The following RHEB variants were observed in gnomAD, a reference collection of about 807,000 sequenced individuals.
The protein encoded by RHEB is GTP-binding protein Rheb.
RHEB carries 2 observed loss-of-function variants against 28.8 expected under a neutral mutation model. The ratio of observed to expected loss-of-function variants is 0.07; its 90% CI spans 0.03 to 0.22. RHEB has a LOEUF of 0.22. Among genes scored for constraint, RHEB ranks in the 10% least tolerant of loss-of-function variants. The pLI is 1.00. For missense variants in RHEB, 76 were observed against 219.9 expected, an observed-to-expected ratio of 0.35 and a Z score of 4.14; for synonymous variants, 69 against 77.3, an observed-to-expected ratio of 0.89 and a Z score of 0.56.
intron 1 of RHEB, among the ~76,000 whole-genome samples, chr7:151,514,443 G>A (rs1460417711): frequency 6.6e-6 from 1 of 152,024 alleles, no homozygotes; most frequent in African/African-American, 2.4e-5. Flanking sequence ...CCCACAGACA[G>A]GAGAAATTAT....
rs747151926 is a variant in RHEB, at chr7:151,477,377, A to G, written c.231T>C (p.Asp77=). 7 of 1,586,668 alleles carry G rather than the reference A, an allele frequency of 4.4e-6. No homozygotes were observed. The East Asian group carries it at 1.6e-4, about 36-fold the overall frequency. ...YSIFPQTYSI[D]INGYILVYSV... is the part of the protein sequence containing the mutation. ...AATACACAAGAATATAGCCATTAAT[A>G]TCTATGGAGTATGTCTGAGGAAAGA... The change falls in exon 4 of 8, where the codon GAT becomes GAC. Residue 77 remains aspartate, a synonymous_variant. Transcript: ENST00000262187.
rs538597333 is a variant in RHEB, at chr7:151,492,838, A to ATTTT, written c.53-1828_53-1825dup. The stretch of plus-strand genomic sequence containing the variant: ...ATTGCAATTAGAATAAATTCTCAAC[A>ATTTT]TTTTTTTTTTTTTTTTTTGAGACGG... On this transcript the variant is annotated intron_variant, in intron 1 of 7. Transcript: ENST00000262187. Among the ~76,000 whole-genome samples the ATTTT allele has an allele frequency of 5.0e-3, 629 of 125,158 alleles. 27 individuals carry two copies. The highest frequency in any genetic ancestry group is 0.02 in the East Asian group (85 of 4,286). The allele number at this position is 125,158 out of a possible 152,430, so 82.1% of individuals were successfully genotyped here. A position where few individuals can be genotyped will look rare whatever the true frequency, so the allele number is the denominator to read the frequency against.
intron 1 of RHEB, among the ~76,000 whole-genome samples, chr7:151,513,558 A>G (rs775079999): frequency 1.6e-4 from 24 of 152,252 alleles, no homozygotes; most frequent in African/African-American, 4.6e-4. Context: ...AACGATGAAC[A>G]AATATTTTCC....
Position 151,466,398 on chromosome 7 carries a change from C to G in RHEB, c.*721G>C, listed in dbSNP as rs1041701495. 17 of 152,374 alleles carry G rather than the reference C, an allele frequency of 1.1e-4. No homozygotes were observed. The highest frequency in any genetic ancestry group is 3.9e-4 in the African/African-American group (16 of 41,472). The allele number at this position is 152,374 out of a possible 1,614,324, so 9.4% of individuals were successfully genotyped here. On this transcript the variant is annotated 3_prime_UTR_variant, in exon 8 of 8. Transcript: ENST00000262187. The stretch of plus-strand genomic sequence containing the variant: ...CAGCAGCTCCTCCTCCTTGACCAGG[C>G]TCCCGACCACGGAGCATTTCAGTCA...
chr7:151,497,659 T>C (rs1197113886), intron 1 of RHEB, among the ~76,000 whole-genome samples: 1 of 152,202 alleles, frequency 6.6e-6, no homozygotes, highest in African/African-American at 2.4e-5. Context: ...CCAGCCTTGG[T>C]GCACATGCAT....
intron 1 of RHEB, among the ~76,000 whole-genome samples, chr7:151,503,833 A>G (rs576201234): frequency 7.9e-5 from 12 of 152,324 alleles, no homozygotes; most frequent in Non-Finnish European, 1.5e-4. Flanking sequence ...TAAACCTTCA[A>G]AAGTTAATAG....
intron 1 of RHEB, chr7:151,503,397 C>G (rs746892440): frequency 5.3e-6 from 6 of 1,136,272 alleles, no homozygotes; most frequent in Non-Finnish European, 8.0e-6. Context: ...TCCTGCAGTA[C>G]CGAGTAGATT....
intron 1 of RHEB, chr7:151,503,443 T>C: frequency 8.3e-7 from 1 of 1,199,252 alleles, no homozygotes; most frequent in Non-Finnish European, 1.2e-6. Flanking sequence ...AGACAATGAA[T>C]TTTTTGACCT....
chr7:151,488,873 T>C (rs940381627), intron 2 of RHEB, among the ~76,000 whole-genome samples: 6 of 152,230 alleles, frequency 3.9e-5, no homozygotes, highest in African/African-American at 1.2e-4. Flanking sequence ...TTTCTTCTGA[T>C]CCATTACTTA....
chr7:151,500,567 C>T (rs1417953640), intron 1 of RHEB, among the ~76,000 whole-genome samples: 1 of 152,120 alleles, frequency 6.6e-6, no homozygotes, highest in African/African-American at 2.4e-5. Context: ...AAAAGAGAGG[C>T]TGCGGCAGTA....
At chr7:151,502,769 T>C (rs1290919360) in intron 1 of RHEB, 22 of 1,492,716 alleles carry the variant, frequency 1.5e-5, no homozygotes, top group South Asian at 6.8e-5. Flanking sequence ...GACATAACTA[T>C]GTTCAGAAAG....
At chr7:151,484,621 G>A in intron 3 of RHEB, 116 bp downstream of exon 3, 2 of 725,768 alleles carry the variant, frequency 2.8e-6, no homozygotes, top group South Asian at 3.4e-5. Flanking sequence ...GTCAGGGACT[G>A]TCTGCACACA....
At chr7:151,498,328 C>A (rs1584861325) in intron 1 of RHEB, 6 of 399,930 alleles carry the variant, frequency 1.5e-5, no homozygotes, top group Middle Eastern at 6.0e-4. Flanking sequence ...CAATGAGTAC[C>A]ACTGAATTGA....
intron 1 of RHEB, among the ~76,000 whole-genome samples, chr7:151,505,043 G>GAA (rs138363700): frequency 0.012 from 1,303 of 112,744 alleles, 11 homozygotes; most frequent in South Asian, 0.037. Flanking sequence ...TCTAGAATAT[G>GAA]AAAAAAAAAA....
At chr7:151,514,010 A>G (rs2150939939) in intron 1 of RHEB, among the ~76,000 whole-genome samples, 1 of 152,344 alleles carries the variant, frequency 6.6e-6, no homozygotes, top group East Asian at 1.9e-4. Context: ...AACCAGCTAC[A>G]AAACTACAGT....
rs1802804513 is a variant in RHEB, at chr7:151,503,185, T to C, written c.53-12171A>G. 3.8e-6 allele frequency: 3 copies of C among 784,992 alleles called. No homozygotes were observed. In the South Asian group the frequency reaches 4.0e-5, roughly 11 times the overall value. 48.6% of individuals were successfully genotyped at this position (784,992 alleles called of 1,614,324 possible). A position where few individuals can be genotyped will look rare whatever the true frequency, so the allele number is the denominator to read the frequency against. ...GCCAAGGCACAGAAAAGGAGAAAAT[T>C]CTCTAACTCCAAAGCAAGAAAAGGA... On this transcript the variant is annotated intron_variant, in intron 1 of 7. Coordinates refer to ENST00000262187, the MANE Select transcript of RHEB (RefSeq NM_005614.4).
intron 1 of RHEB, among the ~76,000 whole-genome samples, chr7:151,494,886 G>T (rs1802647684): frequency 6.6e-6 from 1 of 152,188 alleles, no homozygotes; most frequent in Non-Finnish European, 1.5e-5. Context: ...AACTAGTGTT[G>T]AAATCTTGAC....
At chr7:151,495,206 T>C (rs1802652498) in intron 1 of RHEB, among the ~76,000 whole-genome samples, 1 of 152,200 alleles carries the variant, frequency 6.6e-6, no homozygotes, top group Non-Finnish European at 1.5e-5. Flanking sequence ...AGATCAACTC[T>C]TTGGAAAAAT....
intron 1 of RHEB, chr7:151,502,564 GACA>G: frequency 8.9e-7 from 1 of 1,128,426 alleles, no homozygotes; most frequent in East Asian, 2.3e-5. Context: ...TGTATTGTGT[GACA>G]ACAAATTCCA....
Sources: allele counts gnomAD v4.1 joint callset (sites outside exome capture counted in the v4.1 genomes callset), GRCh38; gene constraint gnomAD v4.1.1; transcripts MANE v1.5; gene names NCBI Gene and HGNC (gene_info 2026-07-23, HGNC 2026-07-21).